Variants in OCA2 observed in about 807,000 individuals in gnomAD.
OCA2 encodes the protein P protein.
A neutral mutation model predicts 100.2 loss-of-function variants in OCA2; 77 were observed. The ratio of observed to expected loss-of-function variants is 0.77; its 90% CI spans 0.64 to 0.93. OCA2 has a LOEUF of 0.93. OCA2 is among the 40% of genes least tolerant of loss of function. OCA2 has a pLI of 0.00. For synonymous variants in OCA2, 432 were observed against 439.2 expected, an observed-to-expected ratio of 0.98 and a Z score of 0.21; for missense variants, 1,062 against 1,089.1, an observed-to-expected ratio of 0.98 and a Z score of 0.35.
chr15:27,788,942 T>C (rs2032949660), intron 23 of OCA2, among the ~76,000 whole-genome samples: 1 of 152,120 alleles, frequency 6.6e-6, no homozygotes, highest in South Asian at 2.1e-4. Flanking sequence ...CTGGCCTAGA[T>C]TAATAACTAA....
intron 2 of OCA2, among the ~76,000 whole-genome samples, chr15:28,047,132 A>T (rs572740784): frequency 6.6e-6 from 1 of 151,944 alleles, no homozygotes. Context: ...CAAACTTCAG[A>T]CTCCCCAAAA....
chr15:27,774,662 C>T (rs967347965), intron 23 of OCA2, among the ~76,000 whole-genome samples: 3 of 152,178 alleles, frequency 2.0e-5, no homozygotes, highest in Admixed American at 6.5e-5. Context: ...CCTCAGAATT[C>T]CACTGGATTT....
intron 18 of OCA2, among the ~76,000 whole-genome samples, chr15:27,937,243 C>T (rs1029561635): frequency 9.2e-5 from 14 of 152,104 alleles, no homozygotes; most frequent in African/African-American, 2.2e-4. Context: ...TCATGTAATA[C>T]GTTCATTTTT....
chr15:27,926,454 C>T (rs1318814730), intron 18 of OCA2, among the ~76,000 whole-genome samples, 200 bp from the exon 19 acceptor site: 2 of 125,524 alleles, frequency 1.6e-5, no homozygotes, highest in African/African-American at 3.1e-5. Context: ...TGAACATGCC[C>T]ATTGACCCAC....
chr15:28,056,502 T>G (rs1022428192), intron 2 of OCA2, among the ~76,000 whole-genome samples: 11 of 152,340 alleles, frequency 7.2e-5, no homozygotes, highest in African/African-American at 2.6e-4. Context: ...GGGAAAACGG[T>G]TGCCCTCCCT....
At chr15:28,077,936 C>T (rs546530487) in intron 2 of OCA2, among the ~76,000 whole-genome samples, 28 of 152,178 alleles carry the variant, frequency 1.8e-4, no homozygotes, top group African/African-American at 6.0e-4. Context: ...AACAATTAGC[C>T]GGATGTGGTG....
At chr15:27,940,875 T>C (rs1252703704) in intron 18 of OCA2, among the ~76,000 whole-genome samples, 3 of 152,220 alleles carry the variant, frequency 2.0e-5, no homozygotes, top group Non-Finnish European at 4.4e-5. Context: ...ACAGCACTAT[T>C]CTCTCATAAT....
At chr15:28,097,621 T>C (rs995901404) in intron 1 of OCA2, among the ~76,000 whole-genome samples, 1 of 152,148 alleles carries the variant, frequency 6.6e-6, no homozygotes, top group Admixed American at 6.5e-5. Context: ...TGTGGACAGG[T>C]GGCCGCCCAA....
At chr15:28,024,977 C>T in intron 4 of OCA2, 75 bp from the exon 5 acceptor site, 1 of 1,333,828 alleles carries the variant, frequency 7.5e-7, no homozygotes, top group Non-Finnish European at 1.1e-6. Context: ...TTTTCTGCAG[C>T]CTTGAGTAAC....
intron 23 of OCA2, among the ~76,000 whole-genome samples, chr15:27,771,112 T>A (rs1286336723): frequency 1.7e-5 from 2 of 119,596 alleles, no homozygotes; most frequent in African/African-American, 2.8e-5. Context: ...TTTTGCTTCC[T>A]TCTTCCTTCT....
intron 19 of OCA2, among the ~76,000 whole-genome samples, chr15:27,913,879 G>GAAAGAAAGAAAGAA (rs2038526414): frequency 1.9e-5 from 1 of 52,862 alleles, no homozygotes; most frequent in Non-Finnish European, 3.2e-5. Flanking sequence ...AAGAAAGAAA[G>GAAAGAAAGAAAGAA]AAAGAAAGAA....
chr15:27,853,637 G>A (rs2035846044), intron 21 of OCA2, among the ~76,000 whole-genome samples: 1 of 151,884 alleles, frequency 6.6e-6, no homozygotes, highest in African/African-American at 2.4e-5. Flanking sequence ...GGCTTATGTT[G>A]CTAGAAGGAG....
At chr15:27,734,440 T>C in the OCA2 span, among the ~76,000 whole-genome samples, 1 of 152,042 alleles carries the variant, frequency 6.6e-6, no homozygotes, top group Non-Finnish European at 1.5e-5. Context: ...AGTGAGATAA[T>C]GTCTTCTTGG....
At chr15:27,793,291 CA>C (rs1382431420) in intron 23 of OCA2, among the ~76,000 whole-genome samples, 1 of 151,906 alleles carries the variant, frequency 6.6e-6, no homozygotes, top group Non-Finnish European at 1.5e-5. Flanking sequence ...CCACCTTTTG[CA>C]ATCTTATGAG....
chr15:28,013,335 T>G (rs918918938), intron 9 of OCA2, among the ~76,000 whole-genome samples: 1 of 152,156 alleles, frequency 6.6e-6, no homozygotes, highest in African/African-American at 2.4e-5. Context: ...AGTAAAGATT[T>G]CACCTAACGT....
chr15:27,920,531 C>T (rs1044033299), intron 19 of OCA2, among the ~76,000 whole-genome samples: 1 of 151,968 alleles, frequency 6.6e-6, no homozygotes, highest in Non-Finnish European at 1.5e-5. Context: ...AAGTGTGACC[C>T]CTGCTCTGGG....
intron 9 of OCA2, among the ~76,000 whole-genome samples, chr15:27,997,127 G>A (rs1334312290): frequency 9.0e-4 from 119 of 131,716 alleles, no homozygotes; most frequent in Non-Finnish European, 1.5e-3. Context: ...AAGGAAGGAA[G>A]GAAGAAGGAA....
chr15:27,861,631 G>A (rs2036136097), intron 21 of OCA2, among the ~76,000 whole-genome samples: 1 of 152,122 alleles, frequency 6.6e-6, no homozygotes, highest in Non-Finnish European at 1.5e-5. Context: ...TTGCTGACTG[G>A]CCAGGTTCCA....
At chr15:27,971,406 T>C (rs1052526959) in intron 14 of OCA2, among the ~76,000 whole-genome samples, 8 of 152,094 alleles carry the variant, frequency 5.3e-5, no homozygotes, top group African/African-American at 1.9e-4. Context: ...AGAACAGGCA[T>C]AAAGGAGCAA....
Sources: gnomAD v4.1 joint callset for allele counts (sites outside exome capture counted in the v4.1 genomes callset) on GRCh38, gnomAD v4.1.1 for gene constraint, MANE v1.5 for transcripts, NCBI Gene and HGNC (gene_info 2026-07-23, HGNC 2026-07-21) for gene names.